SVIL: variants seen among roughly 807,000 people sequenced by gnomAD.
SVIL encodes archvillin.
In SVIL, 101 loss-of-function variants were observed where a neutral mutation model predicts 240.4. That is an observed-to-expected ratio of 0.42 (90% CI 0.36 to 0.50). The LOEUF is 0.50. Among genes scored for constraint, SVIL ranks in the 20% least tolerant of loss-of-function variants. The probability of loss-of-function intolerance (pLI) is 0.01; values close to 1 mark genes in which losing one functional copy is unlikely to be tolerated. For missense variants in SVIL, 2,512 were observed against 2,818.7 expected (o/e 0.89, Z 2.46); for synonymous variants, 999 against 1,100.0 (o/e 0.91, Z 1.82).
intron 1 of SVIL, among the ~76,000 whole-genome samples, chr10:29,719,441 C>T (rs1404707676): frequency 6.6e-6 from 1 of 152,126 alleles, no homozygotes; most frequent in Non-Finnish European, 1.5e-5. Flanking sequence ...ATATTTCCAT[C>T]CCCCCAGAAG....
At chr10:29,720,016 T>C (rs1330477394) in intron 1 of SVIL, among the ~76,000 whole-genome samples, 1 of 152,174 alleles carries the variant, frequency 6.6e-6, no homozygotes, top group Non-Finnish European at 1.5e-5. Context: ...TCAAAGCACA[T>C]TGCAAATTGC....
intron 3 of SVIL, among the ~76,000 whole-genome samples, chr10:29,643,829 T>C (rs952584639): frequency 1.3e-5 from 2 of 152,140 alleles, no homozygotes; most frequent in Non-Finnish European, 2.9e-5. Context: ...TCCCGGGCTG[T>C]AGCTTCAGAG....
At position 29,493,173 on chromosome 10, in the gene SVIL, C is replaced by T. The variant is rs192160026; in HGVS notation, c.4019+41G>A. On this transcript the variant is annotated intron_variant, in intron 21 of 37. Transcript: ENST00000355867. ...ATGTGCCCTCTGCAGGCGAAGGAAGCCCTTCTCAGTGGAGGAAAGACGGAG... is the reference window on the plus strand; with the variant it reads ...ATGTGCCCTCTGCAGGCGAAGGAAGTCCTTCTCAGTGGAGGAAAGACGGAG... The T allele has an allele frequency of 9.9e-4, 1,569 of 1,591,764 alleles. 14 individuals are homozygous for T. The African/African-American group carries it at 0.018, about 18-fold the overall frequency.
At position 29,541,013 on chromosome 10, in the gene SVIL, A is replaced by C. The variant is rs145092419; in HGVS notation, c.828-4944T>G. ...AGTACAAAATTTACTTCAGGGGCCC[A>C]CAGGGCATTGTTTTGGAGAGACAGT... On this transcript the variant is annotated intron_variant, in intron 6 of 37. Coordinates refer to ENST00000355867, the MANE Select transcript of SVIL (RefSeq NM_021738.3). Among the ~76,000 whole-genome samples, 780 of 152,344 alleles carry C rather than the reference A, an allele frequency of 5.1e-3. 50 individuals carry two copies. In the South Asian group the frequency reaches 0.12, roughly 24 times the overall value.
intron 1 of SVIL, among the ~76,000 whole-genome samples, chr10:29,593,135 TAG>T (rs1956453549): frequency 6.6e-6 from 1 of 151,954 alleles, no homozygotes; most frequent in African/African-American, 2.4e-5. Flanking sequence ...TTGATATTTG[TAG>T]AGTTAGAGAA....
At chr10:29,641,526 C>T (rs1295767700) in intron 3 of SVIL, among the ~76,000 whole-genome samples, 3 of 152,068 alleles carry the variant, frequency 2.0e-5, no homozygotes, top group African/African-American at 7.2e-5. Context: ...CGAGATCGCG[C>T]CACTGCACTC....
chr10:29,654,982 C>A (rs1012388485), intron 3 of SVIL, among the ~76,000 whole-genome samples: 1 of 152,174 alleles, frequency 6.6e-6, no homozygotes, highest in African/African-American at 2.4e-5. Flanking sequence ...GTGGATCTTC[C>A]TCACTTAGTC....
intron 1 of SVIL, among the ~76,000 whole-genome samples, chr10:29,628,135 A>G (rs576459691): frequency 1.3e-5 from 2 of 152,380 alleles, no homozygotes; most frequent in African/African-American, 4.8e-5. Context: ...CTTAACTCAA[A>G]CAAAAAATTC....
intron 6 of SVIL, among the ~76,000 whole-genome samples, chr10:29,547,568 A>G (rs1952802491): frequency 6.6e-6 from 1 of 152,230 alleles, no homozygotes; most frequent in South Asian, 2.1e-4. Context: ...TTACAGGCCT[A>G]AATATGTCAA....
At position 29,482,112 on chromosome 10, in the gene SVIL, T is replaced by C. The variant is rs566005122; in HGVS notation, c.4956-384A>G. Among the ~76,000 whole-genome samples the C allele has an allele frequency of 4.7e-4, 71 of 151,226 alleles. No individual in the cohort carries two copies. In the South Asian group the frequency reaches 0.015, roughly 32 times the overall value. On this transcript the variant is annotated intron_variant, in intron 27 of 37. Transcript: ENST00000355867. ...TGCACAATCATAGCTCCCTGCAGCC[T>C]TGAACTCCTGGGCTGCAGTGATCCT...
intron 16 of SVIL, among the ~76,000 whole-genome samples, chr10:29,514,010 A>T (rs1950037611): frequency 6.6e-6 from 1 of 151,246 alleles, no homozygotes; most frequent in Admixed American, 6.6e-5. Context: ...GGTGGTGATC[A>T]CTAAACTCAT....
Position 29,463,649 on chromosome 10 carries a change from G to A in SVIL, c.6134-14C>T. 2 of 1,612,430 alleles carry A rather than the reference G, an allele frequency of 1.2e-6. No homozygotes were observed. Among genetic ancestry groups the A allele is most frequent in the South Asian group, 1.1e-5 (1 of 90,950 alleles). On this transcript the variant is annotated splice_polypyrimidine_tract_variant and intron_variant, in intron 34 of 37. Coordinates refer to ENST00000355867, the MANE Select transcript of SVIL (RefSeq NM_021738.3). The stretch of plus-strand genomic sequence containing the variant: ...CAAGGAAAAGTGCTGTGAGGGCAGG[G>A]ACAGGGCCAGACCATCAGGAGCTCC...
chr10:29,638,112 C>T (rs1443145599), upstream of SVIL, among the ~76,000 whole-genome samples: 2 of 152,198 alleles, frequency 1.3e-5, no homozygotes, highest in Non-Finnish European at 1.5e-5. Flanking sequence ...AAAAAGCCCT[C>T]ATGATCACTT....
intron 29 of SVIL, among the ~76,000 whole-genome samples, chr10:29,480,322 C>T (rs1360635784): frequency 1.3e-5 from 2 of 152,140 alleles, no homozygotes; most frequent in Non-Finnish European, 2.9e-5. Context: ...TACAGGTGAA[C>T]ACCAGCGGCC....
At chr10:29,502,454 T>A (rs1948970143) in intron 17 of SVIL, among the ~76,000 whole-genome samples, 1 of 152,170 alleles carries the variant, frequency 6.6e-6, no homozygotes, top group Admixed American at 6.6e-5. Flanking sequence ...GAGAAGGATG[T>A]TATATATATA....
intron 1 of SVIL, among the ~76,000 whole-genome samples, chr10:29,705,365 A>G (rs560523114): frequency 1.3e-5 from 2 of 152,272 alleles, no homozygotes; most frequent in African/African-American, 4.8e-5. Flanking sequence ...TGATAAATTG[A>G]AGGATCTTGA....
chr10:29,716,658 T>C (rs551452854), intron 1 of SVIL, among the ~76,000 whole-genome samples: 2 of 152,320 alleles, frequency 1.3e-5, no homozygotes, highest in East Asian at 3.9e-4. Context: ...ATGAAATTAG[T>C]CACTCAAAAT....
intron 18 of SVIL, among the ~76,000 whole-genome samples, chr10:29,495,605 G>A (rs1948375347): frequency 6.6e-6 from 1 of 152,188 alleles, no homozygotes; most frequent in South Asian, 2.1e-4. Flanking sequence ...TCCAGGCTGA[G>A]GGGAGGGAGG....
intron 34 of SVIL, 64 bp from the exon 35 acceptor site, chr10:29,463,699 C>G: frequency 6.4e-7 from 1 of 1,569,734 alleles, no homozygotes; most frequent in Non-Finnish European, 8.6e-7. Flanking sequence ...TAGCTCACTC[C>G]TCCCCCAACC....
Sources: allele counts gnomAD v4.1 joint callset (sites outside exome capture counted in the v4.1 genomes callset), GRCh38; gene constraint gnomAD v4.1.1; transcripts MANE v1.5; gene names NCBI Gene and HGNC (gene_info 2026-07-23, HGNC 2026-07-21).